Variants in RAB31 observed in about 807,000 individuals in gnomAD.
The protein encoded by RAB31 is ras-related protein Rab-31.
In RAB31, 21 loss-of-function variants were observed where a neutral mutation model predicts 25.6. That is an observed-to-expected ratio of 0.82 (90% CI 0.58 to 1.18). RAB31 has a LOEUF of 1.18. RAB31 is among the 50% of genes most tolerant of loss of function. The pLI is 0.00. For synonymous variants in RAB31, 87 were observed against 84.0 expected (o/e 1.04, Z -0.20); for missense variants, 196 against 250.1 (o/e 0.78, Z 1.46).
At chr18:9,734,781 T>C (rs1407348789) in intron 1 of RAB31, 1 of 162,132 alleles carries the variant, frequency 6.2e-6, no homozygotes, top group Non-Finnish European at 1.4e-5. Flanking sequence ...TGTTTGGTTT[T>C]GTTTTTAAAA....
At chr18:9,783,856 A>G (rs531530301) in intron 2 of RAB31, among the ~76,000 whole-genome samples, 8 of 152,360 alleles carry the variant, frequency 5.3e-5, no homozygotes, top group Admixed American at 3.3e-4. Context: ...CATAATGAAT[A>G]TAAGAATAAG....
At chr18:9,823,906 C>T (rs1030193266) in intron 5 of RAB31, among the ~76,000 whole-genome samples, 1 of 152,262 alleles carries the variant, frequency 6.6e-6, no homozygotes, top group African/African-American at 2.4e-5. Flanking sequence ...CAGGAATAGT[C>T]GGTAAGTGAT....
intron 6 of RAB31, among the ~76,000 whole-genome samples, chr18:9,851,983 T>A (rs2068791695): frequency 1.3e-5 from 2 of 151,598 alleles, no homozygotes; most frequent in South Asian, 4.1e-4. Flanking sequence ...ATATATATAA[T>A]GATAAATATT....
At chr18:9,738,765 C>T (rs2068163177) in intron 1 of RAB31, among the ~76,000 whole-genome samples, 1 of 152,156 alleles carries the variant, frequency 6.6e-6, no homozygotes, top group Admixed American at 6.5e-5. Context: ...GATTTGCAGC[C>T]CATCAATCAG....
intron 3 of RAB31, chr18:9,797,634 T>A (rs2068493422): frequency 6.6e-6 from 1 of 152,076 alleles, no homozygotes; most frequent in Admixed American, 6.5e-5. Context: ...GATTGAAAAA[T>A]CACACAAAAA....
intron 1 of RAB31, among the ~76,000 whole-genome samples, chr18:9,710,101 G>A (rs1218170613): frequency 6.6e-6 from 1 of 152,058 alleles, no homozygotes; most frequent in African/African-American, 2.4e-5. Context: ...TTTCAGTTTC[G>A]GTGTTTAGGG....
At chr18:9,829,753 C>G (rs1234935878) in intron 5 of RAB31, among the ~76,000 whole-genome samples, 1 of 152,146 alleles carries the variant, frequency 6.6e-6, no homozygotes, top group Non-Finnish European at 1.5e-5. Flanking sequence ...TGTGCATTTT[C>G]CTAATTACCT....
chr18:9,841,611 A>G (rs1185458346), intron 5 of RAB31, among the ~76,000 whole-genome samples: 2 of 152,068 alleles, frequency 1.3e-5, no homozygotes, highest in Admixed American at 1.3e-4. Flanking sequence ...TCATTCCATA[A>G]AATAGAATAA....
chr18:9,731,390 A>C (rs903248493), intron 1 of RAB31, among the ~76,000 whole-genome samples: 9 of 152,226 alleles, frequency 5.9e-5, no homozygotes, highest in African/African-American at 2.2e-4. Flanking sequence ...ATAAAGTAAA[A>C]GAGAGAATCG....
intron 1 of RAB31, among the ~76,000 whole-genome samples, chr18:9,756,938 A>C (rs1418306109): frequency 6.6e-6 from 1 of 152,184 alleles, no homozygotes. Context: ...TAAGTTTAGG[A>C]GTCTGTTCTG....
At position 9,836,334 on chromosome 18, in the gene RAB31, A is replaced by G. The variant is rs113102946; in HGVS notation, c.381-9248A>G. Among the ~76,000 whole-genome samples, 161 of 152,344 alleles carry G rather than the reference A, an allele frequency of 1.1e-3. 2 individuals carry two copies. Among genetic ancestry groups the G allele is most frequent in the African/African-American group, 3.6e-3 (149 of 41,576 alleles). ...CTATAATATGCATGCTAGAACATGT[A>G]TGAACCACCAGAGAATTTGTTTTAG... is the stretch of plus-strand genomic sequence containing the variant. On this transcript the variant is annotated intron_variant, in intron 5 of 6. Transcript: ENST00000578921.
At chr18:9,822,082 G>A (rs533714548) in intron 5 of RAB31, among the ~76,000 whole-genome samples, 1 of 152,194 alleles carries the variant, frequency 6.6e-6, no homozygotes, top group East Asian at 1.9e-4. Flanking sequence ...TACAGTAATC[G>A]AGACAGTATG....
intron 3 of RAB31, among the ~76,000 whole-genome samples, chr18:9,811,668 T>TTA (rs1325918251): frequency 3.3e-5 from 5 of 152,154 alleles, no homozygotes; most frequent in African/African-American, 1.2e-4. Context: ...ATCCCACCTG[T>TTA]TAAGATTTAG....
chr18:9,719,950 C>T (rs1166495563), intron 1 of RAB31, among the ~76,000 whole-genome samples: 1 of 149,656 alleles, frequency 6.7e-6, no homozygotes, highest in Non-Finnish European at 1.5e-5. Flanking sequence ...CCAGGGATGC[C>T]GTCAAGCCTG....
chr18:9,736,812 G>A (rs11873271), intron 1 of RAB31, among the ~76,000 whole-genome samples: 28,362 of 152,162 alleles, frequency 0.19, 2,867 homozygotes, highest in East Asian at 0.33. Flanking sequence ...CGTATTAGAA[G>A]ATGCTAATTT....
Position 9,859,605 on chromosome 18 carries a change from C to A in RAB31, c.*280C>A, listed in dbSNP as rs1015083004. On this transcript the variant is annotated 3_prime_UTR_variant, in exon 7 of 7. Transcript: ENST00000578921. Reference sequence around the variant, plus strand: ...CATTTTTGCTAAAAAAAAAAAAAAACCTTTAAAAATTGTTGGATGTGTACA... The same window carrying A: ...CATTTTTGCTAAAAAAAAAAAAAAAACTTTAAAAATTGTTGGATGTGTACA... The A allele has an allele frequency of 3.9e-5, 10 of 257,696 alleles. No homozygotes were observed. The highest frequency in any genetic ancestry group is 7.5e-5 in the African/African-American group (3 of 40,090). The allele number at this position is 257,696 out of a possible 1,614,324, so 16.0% of individuals were successfully genotyped here.
intron 6 of RAB31, among the ~76,000 whole-genome samples, chr18:9,857,827 A>C (rs1212478704): frequency 1.3e-5 from 2 of 151,614 alleles, no homozygotes; most frequent in Non-Finnish European, 2.9e-5. Flanking sequence ...CAGGAGTTTG[A>C]GACCAGCCTG....
At chr18:9,735,300 G>C (rs1164684515) in intron 1 of RAB31, 1 of 173,052 alleles carries the variant, frequency 5.8e-6, no homozygotes, top group South Asian at 1.4e-4. Flanking sequence ...TTATAGGTGT[G>C]AGCCACCATG....
chr18:9,778,701 C>T lies in RAB31; in HGVS notation c.119+3344C>T, dbSNP rs1462200931. The stretch of plus-strand genomic sequence containing the variant: ...GGCCAGGCTGGTCTTGAACTCCTGA[C>T]CTCAGGTGATCCACCCCCCTTGGCC... On this transcript the variant is annotated intron_variant, in intron 2 of 6. Coordinates refer to ENST00000578921, the MANE Select transcript of RAB31 (RefSeq NM_006868.4). Among the ~76,000 whole-genome samples the T allele has an allele frequency of 2.6e-5, 4 of 152,114 alleles. No homozygotes were observed. The East Asian group carries it at 7.7e-4, about 29-fold the overall frequency.
Sources: allele counts gnomAD v4.1 joint callset (sites outside exome capture counted in the v4.1 genomes callset), GRCh38; gene constraint gnomAD v4.1.1; transcripts MANE v1.5; gene names NCBI Gene and HGNC (gene_info 2026-07-23, HGNC 2026-07-21).